The following RIPK4 variants were observed in gnomAD, a reference collection of about 807,000 sequenced individuals.
The protein encoded by RIPK4 is receptor-interacting serine/threonine-protein kinase 4.
A neutral mutation model predicts 42.9 loss-of-function variants in RIPK4; 17 were observed. The observed-to-expected ratio is 0.40, with a 90% CI of 0.27 to 0.59. The LOEUF is 0.59. Ranked by LOEUF, RIPK4 falls within the 20% of genes least tolerant of loss-of-function variation. The pLI, the probability that RIPK4 is intolerant of heterozygous loss-of-function variation, is 0.47. For missense variants in RIPK4, 897 were observed against 1,104.4 expected (o/e 0.81, Z 2.66); for synonymous variants, 498 against 499.1 (o/e 1.00, Z 0.03).
chr21:41,741,414 C>T lies in RIPK4; in HGVS notation c.1779G>A (p.Pro593=), dbSNP rs202049606. The T allele has an allele frequency of 9.9e-5, 160 of 1,612,700 alleles. No homozygotes were observed. Among genetic ancestry groups the T allele is most frequent in the Middle Eastern group, 1.6e-4 (1 of 6,084 alleles). Reference sequence around the variant, plus strand: ...GCGTCTGGGCGTTCACACTCACCCCCGGCTGCTTGGCCAGCAGCTTGACGA... The same window carrying T: ...GCGTCTGGGCGTTCACACTCACCCCTGGCTGCTTGGCCAGCAGCTTGACGA... ...LPIVKLLAKQ[P]GVSVNAQTLD... is the part of the protein sequence containing the mutation. Residue 593 remains proline (P), a synonymous_variant, in exon 8 of 8, where the codon CCG becomes CCA. Transcript: ENST00000332512.
At chr21:41,750,710 C>A (rs543552065) in intron 3 of RIPK4, among the ~76,000 whole-genome samples, 1 of 152,148 alleles carries the variant, frequency 6.6e-6, no homozygotes, top group East Asian at 1.9e-4. Context: ...GACAGGGTCG[C>A]GCTCTGTTGC....
At position 41,757,998 on chromosome 21, in the gene RIPK4, C is replaced by CCAAAAAAAAAAA. The variant is rs1479763213; in HGVS notation, c.183-1183_183-1182insTTTTTTTTTTTG. Among the ~76,000 whole-genome samples the CCAAAAAAAAAAA allele has an allele frequency of 5.4e-4, 7 of 13,078 alleles. 1 individual carries two copies. Among genetic ancestry groups the CCAAAAAAAAAAA allele is most frequent in the African/African-American group, 3.1e-3 (7 of 2,284 alleles). The allele number at this position is 13,078 out of a possible 152,430, so 8.6% of individuals were successfully genotyped here. A position where few individuals can be genotyped will look rare whatever the true frequency, so the allele number is the denominator to read the frequency against. ...TGGGCGACACAGAGAGACTCCATAA[C>CCAAAAAAAAAAA]AAAAAAAAAAAAAAAAAAAAAAAAT... On this transcript the variant is annotated intron_variant, in intron 1 of 7. Coordinates refer to ENST00000332512, the MANE Select transcript of RIPK4 (RefSeq NM_020639.3).
Position 41,741,086 on chromosome 21 carries a change from T to G in RIPK4, c.2107A>C (p.Asn703His), listed in dbSNP as rs773209151. 6 of 1,611,758 alleles carry G rather than the reference T, an allele frequency of 3.7e-6. No individual in the cohort carries two copies. In the African/African-American group the frequency reaches 8.0e-5, roughly 22 times the overall value. Residue 703 changes from asparagine to histidine, a missense_variant, in exon 8 of 8, where the codon AAC becomes CAC. Asn to His is a moderately conservative substitution (Grantham distance 68, BLOSUM62 1). Transcript: ENST00000332512. ...GCAGCCAGGTGCAGCGCCGTCTGGT[T>G]CAGGGGTCCCCGGGCCAGCACATCG... ...KADVLARGPL[N>H]QTALHLAAAH...
At position 41,746,607 on chromosome 21, in the gene RIPK4, G is replaced by A. The variant is rs1432687496; in HGVS notation, c.832+6C>T. On this transcript the variant is annotated splice_donor_region_variant and intron_variant, in intron 5 of 7. Coordinates refer to ENST00000332512, the MANE Select transcript of RIPK4 (RefSeq NM_020639.3). The stretch of plus-strand genomic sequence containing the variant: ...GAATGTGGCGGGGAGACCCCGGGGT[G>A]CTCACCTTGGAAGGTGGGCCTAACT... The A allele has an allele frequency of 6.2e-7, 1 of 1,607,114 alleles. No homozygotes were observed.
In RIPK4 at chr21:41,755,887, A is replaced by C. The variant is rs1490201684; in HGVS notation, c.474+638T>G. ...CTAACACCTGCCAAGGCCCAGAGGC[A>C]ACACTGGTTTTCAGTTACATTATCT... On this transcript the variant is annotated intron_variant, in intron 2 of 7. Transcript: ENST00000332512. This position sits in a 1 kb window ranked among gnomAD's most constrained non-coding sequence, Gnocchi z 4.2. Among the ~76,000 whole-genome samples, 1 of 152,256 alleles carries C rather than the reference A, an allele frequency of 6.6e-6. No homozygotes were observed. The highest frequency in any genetic ancestry group is 1.5e-5 in the Non-Finnish European group (1 of 68,034).
chr21:41,765,739 G>C (rs930843918), intron 1 of RIPK4, among the ~76,000 whole-genome samples: 3 of 152,244 alleles, frequency 2.0e-5, no homozygotes, highest in Non-Finnish European at 4.4e-5. Flanking sequence ...CTGAGTGTAT[G>C]TGTTCAAGGA....
In RIPK4 at chr21:41,740,778, C is replaced by A; in HGVS notation, c.*60G>T. On this transcript the variant is annotated 3_prime_UTR_variant, in exon 8 of 8. Transcript: ENST00000332512. Reference sequence around the variant, plus strand: ...CCCACGCAGGATCGTTCCATCCCCACGAGGAACACAGGACAGGACAAGAGC... The same window carrying A: ...CCCACGCAGGATCGTTCCATCCCCAAGAGGAACACAGGACAGGACAAGAGC... 1.3e-6 allele frequency: 2 copies of A among 1,487,214 alleles called. No homozygotes were observed. The highest frequency in any genetic ancestry group is 2.1e-5 in the Admixed American group (1 of 47,498). 92.1% of individuals were successfully genotyped at this position (1,487,214 alleles called of 1,614,324 possible).
intron 4 of RIPK4, among the ~76,000 whole-genome samples, chr21:41,748,486 G>C (rs1475569420): frequency 6.6e-6 from 1 of 152,212 alleles, no homozygotes; most frequent in Non-Finnish European, 1.5e-5. Context: ...TGGCTGCCTG[G>C]CTGGGGAAGC....
At chr21:41,766,671 C>A (rs976044585) in intron 1 of RIPK4, among the ~76,000 whole-genome samples, 189 bp downstream of exon 1, 2 of 152,172 alleles carry the variant, frequency 1.3e-5, no homozygotes, top group African/African-American at 4.8e-5. Flanking sequence ...AGCCCCCGCG[C>A]CCCTCCGGCC....
chr21:41,756,270 T>G (rs1236855055), intron 2 of RIPK4, among the ~76,000 whole-genome samples: 1 of 152,210 alleles, frequency 6.6e-6, no homozygotes, highest in African/African-American at 2.4e-5. Context: ...ATGCCAAGAT[T>G]TGGGGGAACA....
At chr21:41,756,409 G>A in intron 2 of RIPK4, 116 bp downstream of exon 2, 1 of 1,302,172 alleles carries the variant, frequency 7.7e-7, no homozygotes, top group East Asian at 2.3e-5. Flanking sequence ...CCTCCAAGAA[G>A]AACCACCTCC....
At chr21:41,748,028 CACATCTATCAG>C in intron 4 of RIPK4, among the ~76,000 whole-genome samples, 1 of 152,362 alleles carries the variant, frequency 6.6e-6, no homozygotes, top group East Asian at 1.9e-4. Context: ...CTTCGGGTGT[CACATCTATCAG>C]ACACTGCCTC....
At chr21:41,761,467 C>T (rs1052503988) in intron 1 of RIPK4, among the ~76,000 whole-genome samples, 1 of 152,196 alleles carries the variant, frequency 6.6e-6, no homozygotes, top group Non-Finnish European at 1.5e-5. Context: ...GCCAGCTTGC[C>T]GCCCCTCCCC....
At chr21:41,746,329 C>T (rs2061171111) in intron 5 of RIPK4, among the ~76,000 whole-genome samples, 1 of 152,280 alleles carries the variant, frequency 6.6e-6, no homozygotes, top group Admixed American at 6.5e-5. Flanking sequence ...TGCACCTGAA[C>T]TTCAGGCTCC....
chr21:41,766,713 C>G, intron 1 of RIPK4, 147 bp downstream of exon 1: 1 of 851,962 alleles, frequency 1.2e-6, no homozygotes, highest in Non-Finnish European at 1.7e-6. Flanking sequence ...GTCGGAGCCC[C>G]GCGGCCTCGC....
rs954075632 is a variant in RIPK4, at chr21:41,755,667, C to G, written c.474+858G>C. Among the ~76,000 whole-genome samples, 7 of 152,218 alleles carry G rather than the reference C, an allele frequency of 4.6e-5. No individual in the cohort carries two copies. Among genetic ancestry groups the G allele is most frequent in the Non-Finnish European group, 7.3e-5 (5 of 68,042 alleles). ...CCATGGCTCTCGGCTCCTTCTCACT[C>G]CCAGGGCAGACACCAGTGTCATGTG... On this transcript the variant is annotated intron_variant, in intron 2 of 7. Transcript: ENST00000332512. This position sits in a 1 kb window ranked among gnomAD's most constrained non-coding sequence, Gnocchi z 4.2.
chr21:41,756,452 C>A, intron 2 of RIPK4, 73 bp downstream of exon 2: 1 of 1,538,734 alleles, frequency 6.5e-7, no homozygotes, highest in Non-Finnish European at 8.8e-7. Flanking sequence ...CAGGGCTTGA[C>A]CCCTTGATAC....
intron 1 of RIPK4, among the ~76,000 whole-genome samples, chr21:41,758,023 T>A (rs8127302): frequency 0.017 from 785 of 46,162 alleles, 6 homozygotes; most frequent in African/African-American, 0.041. Flanking sequence ...AAAAAAAAAA[T>A]ATATATATAT....
intron 2 of RIPK4, among the ~76,000 whole-genome samples, chr21:41,754,320 T>C (rs1397431484): frequency 2.6e-5 from 4 of 152,202 alleles, no homozygotes; most frequent in East Asian, 1.9e-4. Context: ...AATAAGTATG[T>C]CACGTAAAGG....
Sources: gnomAD v4.1 joint callset for allele counts (sites outside exome capture counted in the v4.1 genomes callset) on GRCh38, gnomAD v4.1.1 for gene constraint, Gnocchi (gnomAD v3.1) non-coding constraint, MANE v1.5 for transcripts, NCBI Gene and HGNC (gene_info 2026-07-23, HGNC 2026-07-21) for gene names.